SPIDR: variants seen among roughly 807,000 people sequenced by gnomAD.
SPIDR encodes the protein scaffold protein involved in DNA repair, also known as DNA repair-scaffolding protein.
Under a neutral mutation model 104.6 loss-of-function variants are expected in SPIDR, and 93 were observed. That is an observed-to-expected ratio of 0.89 (90% CI 0.75 to 1.06). The LOEUF (loss-of-function observed/expected upper bound fraction) is 1.06, where lower values mean the gene tolerates loss of function less well. Ranked by LOEUF, SPIDR falls within the 50% of genes least tolerant of loss-of-function variation. The pLI is 0.00. For missense variants in SPIDR, 1,154 were observed against 1,111.2 expected, an observed-to-expected ratio of 1.04 and a Z score of -0.55; for synonymous variants, 431 against 416.9, an observed-to-expected ratio of 1.03 and a Z score of -0.41.
chr8:47,368,661 C>T (rs1554636540), intron 5 of SPIDR, among the ~76,000 whole-genome samples: 2 of 152,100 alleles, frequency 1.3e-5, no homozygotes, highest in Non-Finnish European at 2.9e-5. Flanking sequence ...CATGTGTGAT[C>T]TTTTATGAAA....
chr8:47,553,880 G>T (rs1270442829), intron 8 of SPIDR, among the ~76,000 whole-genome samples: 2 of 152,168 alleles, frequency 1.3e-5, no homozygotes, highest in Non-Finnish European at 2.9e-5. Flanking sequence ...CATCTTTGTG[G>T]TTTTAACTAC....
intron 8 of SPIDR, among the ~76,000 whole-genome samples, chr8:47,472,033 G>A (rs1156802415): frequency 6.6e-6 from 1 of 152,156 alleles, no homozygotes; most frequent in South Asian, 2.1e-4. Flanking sequence ...TTACATTCAT[G>A]TTCACTGTAT....
chr8:47,382,630 C>G (rs559653243), intron 5 of SPIDR, among the ~76,000 whole-genome samples: 1 of 152,260 alleles, frequency 6.6e-6, no homozygotes, highest in East Asian at 1.9e-4. Context: ...CTAGGATGGT[C>G]TCGATCTCTT....
chr8:47,487,191 A>AAGC (rs150821454), intron 8 of SPIDR, among the ~76,000 whole-genome samples: 150,906 of 152,230 alleles, frequency 0.99, 74,805 homozygotes, highest in East Asian at 1. Context: ...ACAAAACAAA[A>AAGC]AGGGGTTGCA....
intron 8 of SPIDR, chr8:47,592,430 G>A: frequency 6.9e-7 from 1 of 1,439,210 alleles, no homozygotes; most frequent in Non-Finnish European, 9.8e-7. Context: ...TATTCTTCTG[G>A]AAGGAATAGT....
intron 10 of SPIDR, among the ~76,000 whole-genome samples, chr8:47,663,651 G>A (rs1347053414): frequency 6.6e-6 from 1 of 152,172 alleles, no homozygotes; most frequent in Non-Finnish European, 1.5e-5. Context: ...CATTTCTTGT[G>A]TTCAAGCAAA....
intron 8 of SPIDR, among the ~76,000 whole-genome samples, chr8:47,538,282 C>T (rs768679341): frequency 3.9e-5 from 6 of 152,102 alleles, no homozygotes; most frequent in Admixed American, 2.0e-4. Flanking sequence ...TGGTGGTTCA[C>T]GCCTGTAATC....
At chr8:47,287,305 C>T (rs2039029969) in intron 3 of SPIDR, among the ~76,000 whole-genome samples, 3 of 152,046 alleles carry the variant, frequency 2.0e-5, no homozygotes, top group Non-Finnish European at 4.4e-5. Flanking sequence ...AGGCAAAGGG[C>T]GAAATCAAAA....
At chr8:47,729,168 G>A (rs1306050992) in intron 18 of SPIDR, 121 bp downstream of exon 18, 46 of 1,533,382 alleles carry the variant, frequency 3.0e-5, no homozygotes, top group Non-Finnish European at 3.8e-5. Context: ...GACTCGGCTG[G>A]GATGGCTTGC....
chr8:47,397,568 G>A lies in SPIDR; in HGVS notation c.776+942G>A, dbSNP rs148094578. 2.2e-3 allele frequency among the ~76,000 whole-genome samples: 330 copies of A among 152,252 alleles called. 1 individual carries two copies. Among genetic ancestry groups the A allele is most frequent in the Non-Finnish European group, 3.5e-3 (237 of 68,014 alleles). On this transcript the variant is annotated intron_variant, in intron 6 of 19. Transcript: ENST00000297423. ...TTGCCACAAAAGCAAAAGTAATAGA[G>A]CATTTCAAAGCAAAGGAGTTTCAGT...
chr8:47,405,798 C>T (rs2062671790), intron 6 of SPIDR, among the ~76,000 whole-genome samples: 2 of 152,072 alleles, frequency 1.3e-5, no homozygotes, highest in African/African-American at 4.8e-5. Context: ...TTTTTTTTAA[C>T]ATGAGATATG....
intron 16 of SPIDR, among the ~76,000 whole-genome samples, chr8:47,721,597 A>T (rs1294444713): frequency 1.3e-5 from 2 of 151,118 alleles, no homozygotes; most frequent in African/African-American, 4.9e-5. Context: ...TCAGCCTCCC[A>T]AGTAGCTGGG....
intron 1 of SPIDR, among the ~76,000 whole-genome samples, chr8:47,276,528 A>G (rs1234629949): frequency 6.6e-6 from 1 of 152,248 alleles, no homozygotes; most frequent in African/African-American, 2.4e-5. Context: ...TTGTACATCT[A>G]TAATGTGGAC....
chr8:47,672,667 T>C (rs1180206528), intron 10 of SPIDR, among the ~76,000 whole-genome samples: 12 of 152,220 alleles, frequency 7.9e-5, no homozygotes. Context: ...CTTTTACCTC[T>C]TTAAAACAGT....
intron 11 of SPIDR, among the ~76,000 whole-genome samples, chr8:47,699,844 C>T (rs938513691): frequency 4.6e-5 from 7 of 152,206 alleles, no homozygotes; most frequent in Admixed American, 3.3e-4. Context: ...CATGAGCCAC[C>T]GCACCCAGCC....
intron 2 of SPIDR, among the ~76,000 whole-genome samples, chr8:47,281,861 C>T (rs1325550848): frequency 2.6e-5 from 4 of 152,172 alleles, no homozygotes; most frequent in Non-Finnish European, 5.9e-5. Flanking sequence ...CCAGATCCAT[C>T]AGAGGAGTCA....
At chr8:47,524,109 G>A (rs1259500803) in intron 8 of SPIDR, among the ~76,000 whole-genome samples, 1 of 152,132 alleles carries the variant, frequency 6.6e-6, no homozygotes, top group Non-Finnish European at 1.5e-5. Context: ...CCAGGTAAAT[G>A]TAAACTTTAG....
intron 8 of SPIDR, among the ~76,000 whole-genome samples, chr8:47,447,488 A>G (rs1386726131): frequency 1.3e-5 from 2 of 152,212 alleles, no homozygotes; most frequent in African/African-American, 4.8e-5. Context: ...TGCTGGGACT[A>G]CAGGCGTGAG....
At chr8:47,339,864 A>G (rs1036044227) in intron 5 of SPIDR, among the ~76,000 whole-genome samples, 1 of 151,834 alleles carries the variant, frequency 6.6e-6, no homozygotes, top group Non-Finnish European at 1.5e-5. Flanking sequence ...TATTTTTAGT[A>G]TAGACGGGGT....
Sources: gnomAD v4.1 joint callset for allele counts (sites outside exome capture counted in the v4.1 genomes callset) on GRCh38, gnomAD v4.1.1 for gene constraint, MANE v1.5 for transcripts, NCBI Gene and HGNC (gene_info 2026-07-23, HGNC 2026-07-21) for gene names.